The following SYT16 variants were observed in gnomAD, a reference collection of about 807,000 sequenced individuals.
SYT16 encodes synaptotagmin-16.
SYT16 carries 42 observed loss-of-function variants against 61.4 expected under a neutral mutation model. The ratio of observed to expected loss-of-function variants is 0.68; its 90% CI spans 0.53 to 0.89. The LOEUF (loss-of-function observed/expected upper bound fraction) is 0.89. SYT16 is among the 40% of genes least tolerant of loss of function. The probability of loss-of-function intolerance (pLI) is 0.00; values close to 1 mark genes in which losing one functional copy is unlikely to be tolerated. For synonymous variants in SYT16, 314 were observed against 302.3 expected (o/e 1.04, Z -0.40); for missense variants, 804 against 807.3 (o/e 1.00, Z 0.05).
At chr14:62,003,580 T>C (rs1384445019) in intron 3 of SYT16, among the ~76,000 whole-genome samples, 2 of 152,038 alleles carry the variant, frequency 1.3e-5, no homozygotes, top group South Asian at 2.1e-4. Context: ...TATATAAATT[T>C]TGTTGTTGTT....
At chr14:62,076,012 C>T (rs2056483562) in intron 5 of SYT16, among the ~76,000 whole-genome samples, 1 of 152,184 alleles carries the variant, frequency 6.6e-6, no homozygotes, top group Non-Finnish European at 1.5e-5. Context: ...ATAAAAGATA[C>T]TTCTTCCAAA....
chr14:62,064,907 A>G (rs1490493706), intron 3 of SYT16, among the ~76,000 whole-genome samples: 2 of 152,202 alleles, frequency 1.3e-5, no homozygotes, highest in African/African-American at 2.4e-5. Context: ...CAGTGCCACT[A>G]TTGACTTCTA....
chr14:62,050,283 A>T (rs1392057893), intron 3 of SYT16, among the ~76,000 whole-genome samples: 1 of 152,082 alleles, frequency 6.6e-6, no homozygotes, highest in Non-Finnish European at 1.5e-5. Context: ...AGGCTTGTGC[A>T]TTCGTCACAT....
intron 2 of SYT16, among the ~76,000 whole-genome samples, chr14:61,976,488 C>T (rs560781540): frequency 1.8e-3 from 279 of 152,340 alleles, no homozygotes; most frequent in African/African-American, 6.5e-3. Flanking sequence ...CACACATTTT[C>T]ATACATCCTC....
intron 2 of SYT16, among the ~76,000 whole-genome samples, chr14:61,976,626 C>T (rs563060867): frequency 1.3e-5 from 2 of 152,196 alleles, no homozygotes; most frequent in African/African-American, 4.8e-5. Flanking sequence ...GTATGTTGGC[C>T]CCTTTTAGCC....
chr14:62,049,748 C>A (rs766973382), intron 3 of SYT16, among the ~76,000 whole-genome samples: 19 of 152,132 alleles, frequency 1.2e-4, no homozygotes, highest in Non-Finnish European at 2.5e-4. Context: ...CTTAGTTTGG[C>A]AGAATATGAA....
chr14:61,899,922 A>T (rs2048453238), intron 1 of SYT16, among the ~76,000 whole-genome samples: 1 of 152,172 alleles, frequency 6.6e-6, no homozygotes, highest in Non-Finnish European at 1.5e-5. Context: ...CTTGGTGTTG[A>T]TCTAAAAAAT....
chr14:61,864,872 G>C, intron 1 of SYT16: 1 of 1,195,740 alleles, frequency 8.4e-7, no homozygotes, highest in Non-Finnish European at 1.2e-6. Context: ...GCCACCCCCG[G>C]CGGAGACAGT....
At position 61,885,381 on chromosome 14, in the gene SYT16, T is replaced by C. The variant is rs58551971; in HGVS notation, c.-325+72571T>C. Among the ~76,000 whole-genome samples the C allele has an allele frequency of 2.2e-3, 156 of 71,234 alleles. 4 individuals carry two copies. The East Asian group carries it at 0.038, about 17-fold the overall frequency. The allele number at this position is 71,234 out of a possible 152,430, so 46.7% of individuals were successfully genotyped here. A position where few individuals can be genotyped will look rare whatever the true frequency, so the allele number is the denominator to read the frequency against. Reference sequence around the variant, plus strand: ...ATTTATGTAAAGTGCATGGCAGATATGATGATGATGATGATGATGATGATG... The same window carrying C: ...ATTTATGTAAAGTGCATGGCAGATACGATGATGATGATGATGATGATGATG... On this transcript the variant is annotated intron_variant, in intron 1 of 7. Transcript: ENST00000683842.
At chr14:62,032,027 A>T (rs764296466) in intron 3 of SYT16, among the ~76,000 whole-genome samples, 1 of 152,182 alleles carries the variant, frequency 6.6e-6, no homozygotes, top group Non-Finnish European at 1.5e-5. Context: ...GGAGTACAGA[A>T]TATCAGGTGA....
chr14:61,858,187 G>A (rs2046844158), intron 1 of SYT16, among the ~76,000 whole-genome samples: 1 of 142,896 alleles, frequency 7.0e-6, no homozygotes, highest in South Asian at 2.3e-4. Context: ...CTAAAGTCAA[G>A]GTGCAATAAC....
chr14:62,003,798 C>T (rs1170245156), intron 3 of SYT16, among the ~76,000 whole-genome samples: 1 of 152,040 alleles, frequency 6.6e-6, no homozygotes, highest in East Asian at 1.9e-4. Context: ...GTAACCAATC[C>T]TATAAAAAAA....
At chr14:61,889,205 G>A (rs1023847331) in intron 1 of SYT16, among the ~76,000 whole-genome samples, 9 of 152,108 alleles carry the variant, frequency 5.9e-5, no homozygotes, top group Non-Finnish European at 1.2e-4. Flanking sequence ...CACTGAGCAG[G>A]GTAGGGGTCA....
chr14:61,934,249 T>C (rs1471550280), intron 1 of SYT16, among the ~76,000 whole-genome samples: 1 of 152,244 alleles, frequency 6.6e-6, no homozygotes, highest in Non-Finnish European at 1.5e-5. Context: ...TCTATTTTTC[T>C]ATTTCTTCAA....
In SYT16 at chr14:62,078,161, A is replaced by C. The variant is rs530795588; in HGVS notation, c.994-2673A>C. Among the ~76,000 whole-genome samples, 163 of 142,890 alleles carry C rather than the reference A, an allele frequency of 1.1e-3. 3 individuals carry two copies. The highest frequency in any genetic ancestry group is 6.3e-3 in the East Asian group (30 of 4,764). The allele number at this position is 142,890 out of a possible 152,430, so 93.7% of individuals were successfully genotyped here. A position where few individuals can be genotyped will look rare whatever the true frequency, so the allele number is the denominator to read the frequency against. ...TCGCTCTCTCTCTCTCTCTCTATAT[A>C]TATATATATAAACACACACACACAC... On this transcript the variant is annotated intron_variant, in intron 5 of 7. Coordinates refer to ENST00000683842, the MANE Select transcript of SYT16 (RefSeq NM_001367656.1).
chr14:61,913,846 A>T (rs1261101422), intron 1 of SYT16, among the ~76,000 whole-genome samples: 1 of 152,120 alleles, frequency 6.6e-6, no homozygotes, highest in Non-Finnish European at 1.5e-5. Flanking sequence ...CCTGGGCCCA[A>T]ACTTGGATTT....
intron 1 of SYT16, among the ~76,000 whole-genome samples, chr14:61,835,587 TATCA>T (rs1406718863): frequency 6.6e-6 from 1 of 152,034 alleles, no homozygotes; most frequent in Non-Finnish European, 1.5e-5. Flanking sequence ...TGATTGATTT[TATCA>T]ATCACCTTTT....
chr14:61,879,737 CATT>C (rs757323557), intron 1 of SYT16, among the ~76,000 whole-genome samples: 93 of 152,152 alleles, frequency 6.1e-4, no homozygotes, highest in Non-Finnish European at 1.1e-3. Context: ...TTAGATTTCA[CATT>C]ATATCATTTA....
At chr14:61,854,279 T>TA (rs1303671594) in intron 1 of SYT16, among the ~76,000 whole-genome samples, 2 of 152,250 alleles carry the variant, frequency 1.3e-5, no homozygotes, top group African/African-American at 4.8e-5. Flanking sequence ...GATTATCTTG[T>TA]AAATAATATA....
Sources: gnomAD v4.1 joint callset for allele counts (sites outside exome capture counted in the v4.1 genomes callset) on GRCh38, gnomAD v4.1.1 for gene constraint, MANE v1.5 for transcripts, NCBI Gene and HGNC (gene_info 2026-07-23, HGNC 2026-07-21) for gene names.